NTM: variants seen among roughly 807,000 people sequenced by gnomAD.
NTM encodes IgLON family member 2.
A neutral mutation model predicts 42.1 loss-of-function variants in NTM; 13 were observed. The ratio of observed to expected loss-of-function variants is 0.31; its 90% CI spans 0.20 to 0.49. The LOEUF (loss-of-function observed/expected upper bound fraction) is 0.49. NTM is among the 20% of genes least tolerant of loss of function. NTM has a pLI of 0.99. For missense variants in NTM, 373 were observed against 452.8 expected (o/e 0.82, Z 1.60); for synonymous variants, 187 against 179.2 (o/e 1.04, Z -0.35).
At chr11:131,402,323 T>C (rs751575408) in intron 1 of NTM, among the ~76,000 whole-genome samples, 1 of 151,968 alleles carries the variant, frequency 6.6e-6, no homozygotes, top group Non-Finnish European at 1.5e-5. Flanking sequence ...CAGCAGTTTA[T>C]ACTGAGGTGT....
At chr11:131,906,733 G>T (rs1256884639) in intron 1 of NTM, among the ~76,000 whole-genome samples, 1 of 151,952 alleles carries the variant, frequency 6.6e-6, no homozygotes, top group Non-Finnish European at 1.5e-5. Flanking sequence ...AAGTTTTATG[G>T]GTTTAAAGTC....
intron 2 of NTM, among the ~76,000 whole-genome samples, chr11:132,067,382 T>A (rs1370302742): frequency 1.2e-4 from 19 of 152,220 alleles, no homozygotes; most frequent in Admixed American, 1.2e-3. Context: ...TGTTACAGCA[T>A]CAACTCACAT....
chr11:132,240,272 CT>C (rs1391779825), intron 4 of NTM, among the ~76,000 whole-genome samples: 1 of 152,202 alleles, frequency 6.6e-6, no homozygotes, highest in Non-Finnish European at 1.5e-5. Flanking sequence ...TAGTCCTTCT[CT>C]TTTTTCCTCA....
chr11:131,736,491 G>T (rs1366030771), intron 1 of NTM, among the ~76,000 whole-genome samples: 1 of 152,166 alleles, frequency 6.6e-6, no homozygotes, highest in East Asian at 1.9e-4. Context: ...GTGGTGCCCG[G>T]TGGGAGGCGT....
intron 1 of NTM, among the ~76,000 whole-genome samples, chr11:131,511,131 C>T (rs1179356629): frequency 5.3e-5 from 8 of 152,190 alleles, no homozygotes; most frequent in African/African-American, 1.4e-4. Context: ...CTCCAGGCCA[C>T]GTGATGAGTG....
At chr11:132,050,817 G>A (rs1415990893) in intron 2 of NTM, among the ~76,000 whole-genome samples, 2 of 152,174 alleles carry the variant, frequency 1.3e-5, no homozygotes, top group African/African-American at 2.4e-5. Flanking sequence ...AGGGCTGGCT[G>A]GTGTCTCTTC....
intron 1 of NTM, among the ~76,000 whole-genome samples, chr11:131,415,850 G>C (rs187996043): frequency 6.6e-6 from 1 of 152,284 alleles, no homozygotes; most frequent in East Asian, 1.9e-4. Flanking sequence ...TAATATCTTG[G>C]AGGTTTTTGC....
chr11:131,877,199 G>C (rs1044229134), intron 1 of NTM, among the ~76,000 whole-genome samples: 3 of 152,134 alleles, frequency 2.0e-5, no homozygotes, highest in African/African-American at 7.2e-5. Context: ...TGCTGTGCTG[G>C]GATTGTGCCC....
At chr11:131,658,309 AT>A in intron 1 of NTM, among the ~76,000 whole-genome samples, 1 of 152,298 alleles carries the variant, frequency 6.6e-6, no homozygotes, top group Middle Eastern at 3.4e-3. Context: ...AGGGCCTGTA[AT>A]TTGTTTTCAT....
At chr11:131,573,464 A>T (rs2057646048) in intron 1 of NTM, 1 of 152,188 alleles carries the variant, frequency 6.6e-6, no homozygotes. Flanking sequence ...AGCAGGGGAC[A>T]ATTCAGTTCA....
At chr11:132,011,778 G>A (rs78752960) in intron 2 of NTM, among the ~76,000 whole-genome samples, 12,849 of 152,208 alleles carry the variant, frequency 0.084, 720 homozygotes, top group Non-Finnish European at 0.13. Flanking sequence ...AGTACCTCAA[G>A]TGGTTTCTAC....
chr11:131,697,595 A>G (rs1027022119), intron 1 of NTM, among the ~76,000 whole-genome samples: 1 of 152,108 alleles, frequency 6.6e-6, no homozygotes, highest in Non-Finnish European at 1.5e-5. Flanking sequence ...CAATTCAGTA[A>G]TTTTATTTTT....
Position 132,188,443 on chromosome 11 carries a change from A to G in NTM, c.401-23579A>G, listed in dbSNP as rs956333023. On this transcript the variant is annotated intron_variant, in intron 3 of 8. Transcript: ENST00000683400. ...AAATGAAGAGGTTCCTTCTCCTCCC[A>G]GACTCCAGGGCACCCTTCCCAGCTC... Among the ~76,000 whole-genome samples, 73 of 152,158 alleles carry G rather than the reference A, an allele frequency of 4.8e-4. 1 individual carries two copies. The highest frequency in any genetic ancestry group is 9.2e-4 in the Admixed American group (14 of 15,256).
intron 2 of NTM, among the ~76,000 whole-genome samples, chr11:132,037,395 C>A (rs1376198894): frequency 2.0e-5 from 3 of 152,082 alleles, no homozygotes; most frequent in Non-Finnish European, 4.4e-5. Context: ...CCAAATAAAC[C>A]TTTTTTCATT....
chr11:131,879,509 T>C (rs1220450354), intron 1 of NTM, among the ~76,000 whole-genome samples: 1 of 152,128 alleles, frequency 6.6e-6, no homozygotes, highest in Admixed American at 6.5e-5. Context: ...GTAAACTTAT[T>C]AGGTGAATTC....
chr11:131,796,661 T>C (rs1364751474), intron 1 of NTM, among the ~76,000 whole-genome samples: 1 of 152,216 alleles, frequency 6.6e-6, no homozygotes, highest in Non-Finnish European at 1.5e-5. Flanking sequence ...AGGGTGCATC[T>C]GGAGCTGAGA....
intron 1 of NTM, among the ~76,000 whole-genome samples, chr11:131,409,130 G>C (rs1417923243): frequency 6.6e-6 from 1 of 152,242 alleles, no homozygotes; most frequent in African/African-American, 2.4e-5. Flanking sequence ...AGCCATGACA[G>C]AAATCATTGA....
chr11:132,311,250 A>G (rs1212092305), intron 6 of NTM, among the ~76,000 whole-genome samples: 1 of 152,206 alleles, frequency 6.6e-6, no homozygotes, highest in East Asian at 1.9e-4. Flanking sequence ...TAGTCTCTAG[A>G]TCGAAAATTG....
chr11:132,202,647 A>T (rs1355902921), intron 3 of NTM, among the ~76,000 whole-genome samples: 1 of 152,182 alleles, frequency 6.6e-6, no homozygotes, highest in Non-Finnish European at 1.5e-5. Context: ...GTGAAATTCA[A>T]TTTTTACCAT....
Sources: gnomAD v4.1 joint callset for allele counts (sites outside exome capture counted in the v4.1 genomes callset) on GRCh38, gnomAD v4.1.1 for gene constraint, MANE v1.5 for transcripts, NCBI Gene and HGNC (gene_info 2026-07-23, HGNC 2026-07-21) for gene names.